Variants in TRIM23 observed in about 807,000 individuals in gnomAD.
TRIM23 encodes E3 ubiquitin-protein ligase TRIM23.
TRIM23 carries 27 observed loss-of-function variants against 71.0 expected under a neutral mutation model. The observed-to-expected ratio is 0.38, with a 90% CI of 0.28 to 0.52. The LOEUF (loss-of-function observed/expected upper bound fraction) is 0.52, where lower values mean the gene tolerates loss of function less well. Ranked by LOEUF, TRIM23 falls within the 20% of genes least tolerant of loss-of-function variation. The pLI, the probability that TRIM23 is intolerant of heterozygous loss-of-function variation, is 0.84. For missense variants in TRIM23, 482 were observed against 692.3 expected, an observed-to-expected ratio of 0.70 and a Z score of 3.41; for synonymous variants, 234 against 238.0, an observed-to-expected ratio of 0.98 and a Z score of 0.16.
intron 3 of TRIM23, 148 bp downstream of exon 3, chr5:65,613,950 T>C: frequency 6.5e-7 from 1 of 1,527,066 alleles, no homozygotes. Context: ...GGGAATAGTG[T>C]TGGCCTTCAG....
chr5:65,620,495 T>C (rs771540777), intron 1 of TRIM23, among the ~76,000 whole-genome samples: 7 of 152,340 alleles, frequency 4.6e-5, no homozygotes, highest in Admixed American at 1.3e-4. Flanking sequence ...AAGTTTTTCA[T>C]ATATACACAG....
intron 1 of TRIM23, among the ~76,000 whole-genome samples, chr5:65,623,673 T>A (rs1310903045): frequency 6.6e-6 from 1 of 152,158 alleles, no homozygotes; most frequent in African/African-American, 2.4e-5. Context: ...CAATAACAGA[T>A]GTCTGATTAC....
At position 65,609,338 on chromosome 5, in the gene TRIM23, T is replaced by C. The variant is rs765496707; in HGVS notation, c.949A>G (p.Lys317Glu). 6.2e-7 allele frequency: 1 copy of C among 1,614,150 alleles called. No homozygotes were observed. Among genetic ancestry groups the C allele is most frequent in the South Asian group, 1.1e-5 (1 of 91,090 alleles). ...LSVVDAHVRE[K>E]LIWLRQQQED... ...TGTTGCTGCCTGAGCCAAATCAATT[T>C]TTCACGAACATGAGCATCAACAACA... Residue 317 changes from lysine (K) to glutamate (E), a missense_variant, in exon 6 of 11, where the codon AAA (lysine) becomes GAA (glutamate). Around this residue, in one of 2 missense-constraint regions of TRIM23, gnomAD observed 307 missense variants for 495.8 expected, o/e 0.62. Coordinates refer to ENST00000231524, the MANE Select transcript of TRIM23 (RefSeq NM_001656.4).
chr5:65,598,487 C>T (rs1457954486), intron 7 of TRIM23, among the ~76,000 whole-genome samples: 1 of 152,238 alleles, frequency 6.6e-6, no homozygotes, highest in Non-Finnish European at 1.5e-5. Flanking sequence ...TGGCTCATGC[C>T]TGTAATCCCA....
chr5:65,604,929 G>A lies in TRIM23; in HGVS notation c.1161C>T (p.Ile387=), dbSNP rs778049185. The change falls in exon 7 of 11, where the codon ATC becomes ATT. Residue 387 remains isoleucine (I), a synonymous_variant. Coordinates refer to ENST00000231524, the MANE Select transcript of TRIM23 (RefSeq NM_001656.4). ...ACATTACCTTTGTAAAAGTGACAGG[G>A]ATGCTGGCATCCAACTGAATGTGAT... ...VADHIQLDAS[I]PVTFTKDNRV... The A allele has an allele frequency of 7.4e-6, 12 of 1,613,454 alleles. No individual in the cohort carries two copies. The highest frequency in any genetic ancestry group is 4.4e-5 in the South Asian group (4 of 90,982).
intron 1 of TRIM23, among the ~76,000 whole-genome samples, chr5:65,620,488 T>C (rs1754902199): frequency 6.6e-6 from 1 of 151,822 alleles, no homozygotes; most frequent in African/African-American, 2.4e-5. Flanking sequence ...AAAGATGAAG[T>C]TTTTCATATA....
At chr5:65,596,222 A>ATGGT (rs1167447320) in intron 9 of TRIM23, among the ~76,000 whole-genome samples, 199 bp downstream of exon 9, 1 of 152,194 alleles carries the variant, frequency 6.6e-6, no homozygotes, top group Non-Finnish European at 1.5e-5. Flanking sequence ...TTCTGTAATA[A>ATGGT]TGGTATATCA....
intron 7 of TRIM23, among the ~76,000 whole-genome samples, chr5:65,602,560 G>A (rs1192320784): frequency 6.6e-6 from 1 of 152,000 alleles, no homozygotes; most frequent in East Asian, 1.9e-4. Flanking sequence ...ACATTTTTGG[G>A]TATCCTTTCA....
At chr5:65,597,910 A>G (rs968452431) in intron 7 of TRIM23, among the ~76,000 whole-genome samples, 4 of 152,206 alleles carry the variant, frequency 2.6e-5, no homozygotes, top group Non-Finnish European at 5.9e-5. Flanking sequence ...CAAAATTTAC[A>G]TAGGATTCTT....
At chr5:65,597,529 T>C (rs1754241546) in intron 7 of TRIM23, among the ~76,000 whole-genome samples, 1 of 152,210 alleles carries the variant, frequency 6.6e-6, no homozygotes, top group South Asian at 2.1e-4. Flanking sequence ...TGCTGCTCAA[T>C]TCCCAGAAAT....
At chr5:65,601,492 C>T (rs1029228794) in intron 7 of TRIM23, among the ~76,000 whole-genome samples, 1 of 152,066 alleles carries the variant, frequency 6.6e-6, no homozygotes, top group Non-Finnish European at 1.5e-5. Flanking sequence ...CATCAGATCT[C>T]GTGAGACTTA....
intron 7 of TRIM23, among the ~76,000 whole-genome samples, chr5:65,598,227 C>A (rs147345196): frequency 1.1e-4 from 17 of 152,024 alleles, no homozygotes; most frequent in African/African-American, 4.1e-4. Flanking sequence ...CAGTTATACA[C>A]CTCAGAAATA....
At chr5:65,593,771 T>C (rs1754109071) in intron 10 of TRIM23, among the ~76,000 whole-genome samples, 1 of 152,182 alleles carries the variant, frequency 6.6e-6, no homozygotes, top group African/African-American at 2.4e-5. Flanking sequence ...TCAAAGTCTT[T>C]TCCATCTGCC....
intron 1 of TRIM23, among the ~76,000 whole-genome samples, chr5:65,621,487 TG>T (rs1754945324): frequency 6.6e-6 from 1 of 152,260 alleles, no homozygotes; most frequent in Admixed American, 6.5e-5. Flanking sequence ...ATTTCAATCC[TG>T]TATCTCTGAT....
At chr5:65,617,186 A>T (rs1398216766) in intron 2 of TRIM23, among the ~76,000 whole-genome samples, 1 of 151,788 alleles carries the variant, frequency 6.6e-6, no homozygotes, top group African/African-American at 2.4e-5. Context: ...AGGCAAATAG[A>T]CTATTTATAT....
chr5:65,596,714 C>A (rs1019006043), intron 8 of TRIM23, among the ~76,000 whole-genome samples, 183 bp from the exon 9 acceptor site: 16 of 152,180 alleles, frequency 1.1e-4, no homozygotes, highest in Admixed American at 3.9e-4. Context: ...TGTAACAGCT[C>A]CTAGCCCTCT....
At chr5:65,594,450 A>T in intron 10 of TRIM23, 71 bp downstream of exon 10, 1 of 1,509,166 alleles carries the variant, frequency 6.6e-7, no homozygotes, top group Non-Finnish European at 8.9e-7. Flanking sequence ...TTGTCTTCTG[A>T]AATATTTCCA....
Position 65,618,253 on chromosome 5 carries a change from C to A in TRIM23, c.84G>T (p.Val28=), listed in dbSNP as rs200760379. 2.5e-6 allele frequency: 4 copies of A among 1,607,290 alleles called. No homozygotes were observed. The highest frequency in any genetic ancestry group is 2.7e-5 in the African/African-American group (2 of 74,662). The change falls in exon 2 of 11, where the codon GTG becomes GTT. Residue 28 remains valine, a splice_region_variant and synonymous_variant. Transcript: ENST00000231524. ...CATCTTCACAAACTCCACACTCTAG[C>A]ACCTAATATTTGAAAAGGAAGGATG... The part of the protein sequence containing the change: ...QGSRGTAVVK[V]LECGVCEDVF...
chr5:65,593,411 G>T (rs1287042112), intron 10 of TRIM23, among the ~76,000 whole-genome samples: 1 of 152,136 alleles, frequency 6.6e-6, no homozygotes, highest in East Asian at 1.9e-4. Context: ...CTCCAGCCTG[G>T]TGACAGAGCA....
Sources: gnomAD v4.1 joint callset for allele counts (sites outside exome capture counted in the v4.1 genomes callset) on GRCh38, gnomAD v4.1.1 for gene constraint, gnomAD v4.1.1 regional missense constraint, MANE v1.5 for transcripts, NCBI Gene and HGNC (gene_info 2026-07-23, HGNC 2026-07-21) for gene names.